CNTN5: variants seen among roughly 807,000 people sequenced by gnomAD.
CNTN5 encodes the protein contactin 5.
In CNTN5, 77 loss-of-function variants were observed where a neutral mutation model predicts 129.1. The ratio of observed to expected loss-of-function variants is 0.60; its 90% CI spans 0.50 to 0.72. The LOEUF is 0.72. Ranked by LOEUF, CNTN5 falls within the 30% of genes least tolerant of loss-of-function variation. The pLI is 0.00. For missense variants in CNTN5, 1,478 were observed against 1,328.8 expected (o/e 1.11, Z -1.75); for synonymous variants, 509 against 465.6 (o/e 1.09, Z -1.20).
intron 1 of CNTN5, among the ~76,000 whole-genome samples, chr11:99,023,600 G>A (rs1862983372): frequency 6.6e-6 from 1 of 152,220 alleles, no homozygotes; most frequent in South Asian, 2.1e-4. Flanking sequence ...TTTGACTGTA[G>A]AGAGTTTGAT....
At chr11:99,970,055 T>C (rs1412837334) in intron 8 of CNTN5, among the ~76,000 whole-genome samples, 2 of 152,208 alleles carry the variant, frequency 1.3e-5, no homozygotes, top group African/African-American at 4.8e-5. Flanking sequence ...TCTGGGTCAA[T>C]TAGACTCCTA....
At chr11:99,420,548 C>T (rs1942842812) in intron 2 of CNTN5, among the ~76,000 whole-genome samples, 1 of 152,116 alleles carries the variant, frequency 6.6e-6, no homozygotes. Context: ...CTGGCCATTT[C>T]AGAACTTGAA....
intron 13 of CNTN5, among the ~76,000 whole-genome samples, chr11:100,114,798 A>G (rs986299857): frequency 2.6e-5 from 4 of 152,136 alleles, no homozygotes; most frequent in Non-Finnish European, 4.4e-5. Flanking sequence ...CAACAAATAG[A>G]TAATGAGCAC....
At chr11:99,196,333 A>C (rs1450506518) in intron 1 of CNTN5, among the ~76,000 whole-genome samples, 1 of 151,932 alleles carries the variant, frequency 6.6e-6, no homozygotes, top group Non-Finnish European at 1.5e-5. Context: ...CATTATAAAA[A>C]CAATTGTAAA....
At chr11:99,971,866 T>A (rs886818450) in intron 8 of CNTN5, among the ~76,000 whole-genome samples, 1 of 151,180 alleles carries the variant, frequency 6.6e-6, no homozygotes, top group Non-Finnish European at 1.5e-5. Flanking sequence ...ATTTTAAAAG[T>A]CTGCATAAAT....
At chr11:99,366,472 G>A (rs1240797665) in intron 2 of CNTN5, among the ~76,000 whole-genome samples, 1 of 152,122 alleles carries the variant, frequency 6.6e-6, no homozygotes, top group Non-Finnish European at 1.5e-5. Flanking sequence ...AGAAAAGACT[G>A]GGGAAGGAAG....
chr11:99,861,430 A>C (rs1469362295), intron 6 of CNTN5, among the ~76,000 whole-genome samples: 1 of 152,186 alleles, frequency 6.6e-6, no homozygotes, highest in Non-Finnish European at 1.5e-5. Context: ...ACTTAAGCAC[A>C]CTGATTATGC....
At chr11:99,483,168 C>A (rs1241374157) in intron 2 of CNTN5, among the ~76,000 whole-genome samples, 12 of 94,226 alleles carry the variant, frequency 1.3e-4, no homozygotes, top group African/African-American at 5.0e-4. Flanking sequence ...GAGTGAGACT[C>A]CTTCTCAAAA....
chr11:100,335,263 T>C (rs1952011411), intron 21 of CNTN5, among the ~76,000 whole-genome samples: 1 of 152,128 alleles, frequency 6.6e-6, no homozygotes, highest in East Asian at 1.9e-4. Context: ...AATGTAAAAG[T>C]AGGGGAAAGT....
intron 1 of CNTN5, among the ~76,000 whole-genome samples, chr11:99,179,005 A>G: frequency 6.6e-6 from 1 of 152,324 alleles, no homozygotes; most frequent in Non-Finnish European, 1.5e-5. Context: ...CACACATAAT[A>G]TATACAAATG....
At chr11:100,269,439 T>A (rs1357034693) in intron 17 of CNTN5, among the ~76,000 whole-genome samples, 1 of 152,192 alleles carries the variant, frequency 6.6e-6, no homozygotes, top group Admixed American at 6.5e-5. Context: ...GACCTTAGTT[T>A]TGTTTTTCAG....
At chr11:99,765,168 C>G (rs563405330) in intron 3 of CNTN5, among the ~76,000 whole-genome samples, 2 of 151,998 alleles carry the variant, frequency 1.3e-5, no homozygotes, top group African/African-American at 4.8e-5. Context: ...AGCCTGAGTC[C>G]AGTTTCTCTA....
rs184506545 is a variant in CNTN5, at chr11:99,300,517, C to T, written c.-209-24829C>T. 3.3e-5 allele frequency among the ~76,000 whole-genome samples: 5 copies of T among 152,032 alleles called. No homozygotes were observed. The East Asian group carries it at 9.6e-4, about 29-fold the overall frequency. On this transcript the variant is annotated intron_variant, in intron 1 of 24. Transcript: ENST00000524871. ...TTGATATCCTGTTGAATTTAGTTTGCTTGTATTTTGTTGAGGATATTTGTA... is the reference window on the plus strand; with the variant it reads ...TTGATATCCTGTTGAATTTAGTTTGTTTGTATTTTGTTGAGGATATTTGTA...
At chr11:99,862,366 GT>G (rs1948233908) in intron 6 of CNTN5, among the ~76,000 whole-genome samples, 1 of 151,446 alleles carries the variant, frequency 6.6e-6, no homozygotes, top group Non-Finnish European at 1.5e-5. Flanking sequence ...TATAACAGAT[GT>G]TTTTTTTCCC....
At chr11:100,292,798 C>A (rs541921033) in intron 18 of CNTN5, among the ~76,000 whole-genome samples, 1 of 151,920 alleles carries the variant, frequency 6.6e-6, no homozygotes, top group Admixed American at 6.6e-5. Flanking sequence ...TAATTCGTAG[C>A]GAGACTAGTT....
chr11:100,099,561 C>A (rs1428439202), intron 13 of CNTN5, among the ~76,000 whole-genome samples: 1 of 141,006 alleles, frequency 7.1e-6, no homozygotes, highest in Non-Finnish European at 1.6e-5. Context: ...GATAACTACA[C>A]AAGGCTACCT....
At chr11:99,689,521 C>CG in intron 3 of CNTN5, among the ~76,000 whole-genome samples, 1 of 50,020 alleles carries the variant, frequency 2.0e-5, no homozygotes, top group Non-Finnish European at 3.4e-5. Context: ...AGTGAGACTC[C>CG]TCAAAAAAGA....
At chr11:100,110,146 C>T (rs555793604) in intron 13 of CNTN5, among the ~76,000 whole-genome samples, 1 of 148,894 alleles carries the variant, frequency 6.7e-6, no homozygotes, top group Non-Finnish European at 1.5e-5. Flanking sequence ...GAGATGGCGC[C>T]ACTGTACTCC....
chr11:99,883,095 G>A (rs1209846511), intron 6 of CNTN5, among the ~76,000 whole-genome samples: 2 of 152,070 alleles, frequency 1.3e-5, no homozygotes, highest in Non-Finnish European at 2.9e-5. Flanking sequence ...TTGTGTATAA[G>A]TACCACATTT....
Sources: gnomAD v4.1 joint callset for allele counts (sites outside exome capture counted in the v4.1 genomes callset) on GRCh38, gnomAD v4.1.1 for gene constraint, MANE v1.5 for transcripts, NCBI Gene and HGNC (gene_info 2026-07-23, HGNC 2026-07-21) for gene names.